The following HROB variants were observed in gnomAD, a reference collection of about 807,000 sequenced individuals.
HROB encodes homologous recombination OB-fold protein.
In HROB, 44 loss-of-function variants were observed where a neutral mutation model predicts 61.0. That is an observed-to-expected ratio of 0.72 (90% CI 0.57 to 0.93). HROB has a LOEUF of 0.93. HROB is among the 40% of genes least tolerant of loss of function. HROB has a pLI of 0.00. For synonymous variants in HROB, 301 were observed against 310.4 expected, an observed-to-expected ratio of 0.97 and a Z score of 0.32; for missense variants, 716 against 796.2, an observed-to-expected ratio of 0.90 and a Z score of 1.21.
Position 44,148,602 on chromosome 17 carries a change from G to C in HROB, c.799G>C (p.Glu267Gln), listed in dbSNP as rs564465225. 1.7e-5 allele frequency: 28 copies of C among 1,613,676 alleles called. No homozygotes were observed. The African/African-American group carries it at 3.7e-4, about 22-fold the overall frequency. ...LTVPTQQLHW[E>Q]VCPQRSPVQA... ...AGTTCCCACTCAGCAACTCCACTGG[G>C]AAGTCTGTCCGCAACGCTCCCCTGT... Residue 267 changes from glutamate (E) to glutamine (Q), a missense_variant, in exon 3 of 10, where the codon GAA becomes CAA. Physicochemically the swap from Glu to Gln is conservative, Grantham distance 29 (BLOSUM62 2). Coordinates refer to ENST00000585683, the MANE Select transcript of HROB (RefSeq NM_001171251.3).
intron 9 of HROB, among the ~76,000 whole-genome samples, chr17:44,160,964 A>G (rs1365088028): frequency 6.6e-6 from 1 of 152,162 alleles, no homozygotes; most frequent in Non-Finnish European, 1.5e-5. Flanking sequence ...GCACTTTGGG[A>G]GGCCAAGGCA....
chr17:44,145,941 G>T (rs1300286551), intron 2 of HROB, among the ~76,000 whole-genome samples: 1 of 152,180 alleles, frequency 6.6e-6, no homozygotes, highest in Non-Finnish European at 1.5e-5. Flanking sequence ...ATGTGCCATG[G>T]TGGTTTGCTG....
At chr17:44,153,244 G>A (rs1301019662) in intron 5 of HROB, among the ~76,000 whole-genome samples, 7 of 151,802 alleles carry the variant, frequency 4.6e-5, no homozygotes, top group Non-Finnish European at 8.8e-5. Context: ...TCAGGAGTTC[G>A]AGACCAGCCT....
chr17:44,157,900 T>A lies in HROB; in HGVS notation c.1838T>A (p.Leu613Gln), dbSNP rs760508063. ...GAAGGCTTCAGAACAGCACAGAACCTAGAGGCAGAGGCGTCCCCTGAGGAA... is the reference window on the plus strand; with the variant it reads ...GAAGGCTTCAGAACAGCACAGAACCAAGAGGCAGAGGCGTCCCCTGAGGAA... ...PEEGFRTAQN[L>Q]EAEASPEEEL... Residue 613 changes from leucine to glutamine, a missense_variant, in exon 9 of 10, where the codon CTA (leucine) becomes CAA (glutamine). Transcript: ENST00000585683. 6.2e-7 allele frequency: 1 copy of A among 1,613,650 alleles called. No individual in the cohort carries two copies. Among genetic ancestry groups the A allele is most frequent in the South Asian group, 1.1e-5 (1 of 91,002 alleles).
At position 44,144,432 on chromosome 17, in the gene HROB, C is replaced by T. The variant is rs143360208; in HGVS notation, c.4-771C>T. ...CTGAGATTATAGGTGTGAGCCACCA[C>T]GCCCGACCAAATTTTGTATTTTAAG... is the stretch of plus-strand genomic sequence containing the variant. On this transcript the variant is annotated intron_variant, in intron 1 of 9. Transcript: ENST00000585683. 7.3e-3 allele frequency among the ~76,000 whole-genome samples: 1,112 copies of T among 152,230 alleles called. 12 individuals carry two copies. Among genetic ancestry groups the T allele is most frequent in the African/African-American group, 0.025 (1,037 of 41,538 alleles).
rs372853397 is a variant in HROB at position 44,155,307 on chromosome 17, C to A, written c.1666C>A (p.Leu556Ile). 6.2e-7 allele frequency: 1 copy of A among 1,614,190 alleles called. No individual in the cohort carries two copies. The highest frequency in any genetic ancestry group is 1.7e-5 in the Admixed American group (1 of 60,016). The change falls in exon 8 of 10, where the codon CTT (leucine) becomes ATT (isoleucine). Residue 556 changes from leucine (L) to isoleucine (I), a missense_variant. Coordinates refer to ENST00000585683, the MANE Select transcript of HROB (RefSeq NM_001171251.3). ...CCAGATTGGAGTGTTTTCTCCTTCA[C>A]TTCGAAATCACTACCTCAACGTGAC... ...LKQIGVFSPS[L>I]RNHYLNVTPN... is the part of the protein sequence containing the mutation.
chr17:44,148,380 G>C lies in HROB; in HGVS notation c.577G>C (p.Gly193Arg), dbSNP rs1031806922. 8 of 1,614,092 alleles carry C rather than the reference G, an allele frequency of 5.0e-6. No homozygotes were observed. The highest frequency in any genetic ancestry group is 5.9e-6 in the Non-Finnish European group (7 of 1,179,994). Reference protein sequence around the residue: ...IPILPAQQREGSVLAKKARVV... With the variant: ...IPILPAQQRERSVLAKKARVV... ...AATCCTGCCTGCCCAGCAGCGGGAGGGTTCAGTATTGGCTAAAAAAGCCCG... is the reference window on the plus strand; with the variant it reads ...AATCCTGCCTGCCCAGCAGCGGGAGCGTTCAGTATTGGCTAAAAAAGCCCG... Residue 193 changes from glycine to arginine, a missense_variant, in exon 3 of 10, where the codon GGT becomes CGT. Gly to Arg is a moderately radical substitution (Grantham distance 125). Transcript: ENST00000585683.
chr17:44,148,421 T>C lies in HROB; in HGVS notation c.618T>C (p.Ser206=). 1.9e-6 allele frequency: 3 copies of C among 1,613,936 alleles called. No homozygotes were observed. The East Asian group carries it at 6.7e-5, about 36-fold the overall frequency. Residue 206 remains serine, a synonymous_variant, in exon 3 of 10, where the codon AGT becomes AGC. Transcript: ENST00000585683. Reference sequence around the variant, plus strand: ...AAAAAGCCCGGGTAGTTGATCTGAGTGGATCTTGCCAGAAGGGGCCTGTGC... The same window carrying C: ...AAAAAGCCCGGGTAGTTGATCTGAGCGGATCTTGCCAGAAGGGGCCTGTGC... ...LAKKARVVDL[S]GSCQKGPVPA... is the part of the protein sequence containing the mutation.
At chr17:44,152,835 C>T in intron 5 of HROB, 58 bp downstream of exon 5, 1 of 1,580,450 alleles carries the variant, frequency 6.3e-7, no homozygotes, top group Non-Finnish European at 8.6e-7. Context: ...CTCTCTCTGA[C>T]CTACTGCCCT....
Position 44,154,836 on chromosome 17 carries a change from C to T in HROB, c.1559-17C>T, listed in dbSNP as rs778737690. On this transcript the variant is annotated splice_polypyrimidine_tract_variant and intron_variant, in intron 6 of 9. Transcript: ENST00000585683. ...TGCCCTTGACCCCGAGACTGATGGG[C>T]CATGTGGTATTTGCAGGAGAGATGC... The T allele has an allele frequency of 3.1e-6, 5 of 1,613,600 alleles. No individual in the cohort carries two copies. In the Admixed American group the frequency reaches 5.0e-5, roughly 16 times the overall value.
At position 44,155,231 on chromosome 17, in the gene HROB, C is replaced by T. The variant is rs200031231; in HGVS notation, c.1645-55C>T. 4.4e-5 allele frequency: 70 copies of T among 1,604,318 alleles called. 1 individual carries two copies. The Middle Eastern group carries it at 2.7e-3, about 61-fold the overall frequency. On this transcript the variant is annotated intron_variant, in intron 7 of 9. Coordinates refer to ENST00000585683, the MANE Select transcript of HROB (RefSeq NM_001171251.3). Reference sequence around the variant, plus strand: ...AGGCAGGTGGGAGCCAGGTGTCCATCTGGCAGCTCCCAGTGCTCCATCAGG... The same window carrying T: ...AGGCAGGTGGGAGCCAGGTGTCCATTTGGCAGCTCCCAGTGCTCCATCAGG...
At chr17:44,143,620 G>A (rs148224663) in intron 1 of HROB, among the ~76,000 whole-genome samples, 194 of 151,982 alleles carry the variant, frequency 1.3e-3, no homozygotes, top group African/African-American at 4.5e-3. Flanking sequence ...CTTCAGCCTG[G>A]GCAACAGAGC....
intron 5 of HROB, among the ~76,000 whole-genome samples, chr17:44,153,362 A>C (rs984884281): frequency 3.3e-5 from 5 of 151,248 alleles, no homozygotes; most frequent in African/African-American, 9.7e-5. Flanking sequence ...GGCTGAGGCC[A>C]GAGGATCACT....
chr17:44,144,818 C>T (rs983832557), intron 1 of HROB, among the ~76,000 whole-genome samples: 15 of 149,960 alleles, frequency 1.0e-4, no homozygotes, highest in South Asian at 6.4e-4. Context: ...TGGGTTCAAG[C>T]GATTCTCCTG....
chr17:44,147,723 A>G lies in HROB; in HGVS notation c.55-135A>G, dbSNP rs1013155658. 5 of 879,348 alleles carry G rather than the reference A, an allele frequency of 5.7e-6. No individual in the cohort carries two copies. In the African/African-American group the frequency reaches 8.5e-5, roughly 15 times the overall value. 54.5% of individuals were successfully genotyped at this position (879,348 alleles called of 1,614,324 possible). On this transcript the variant is annotated intron_variant, in intron 2 of 9. Transcript: ENST00000585683. ...AGTGCTGGGATTACAGGCATGAGCC[A>G]CCATGCCCGACCCTCATGCTTTGGT...
At chr17:44,150,227 A>G (rs1333610554) in intron 3 of HROB, among the ~76,000 whole-genome samples, 1 of 152,090 alleles carries the variant, frequency 6.6e-6, no homozygotes, top group African/African-American at 2.4e-5. Flanking sequence ...AGGGTGTTTG[A>G]AACAATTTCT....
intron 3 of HROB, among the ~76,000 whole-genome samples, chr17:44,149,958 C>T (rs918759621): frequency 2.6e-5 from 4 of 152,086 alleles, no homozygotes; most frequent in African/African-American, 9.7e-5. Context: ...AGGTGTGTGG[C>T]GGAGCGGGCG....
chr17:44,154,980 G>T, intron 7 of HROB, 42 bp downstream of exon 7: 1 of 1,589,784 alleles, frequency 6.3e-7, no homozygotes, highest in African/African-American at 1.3e-5. Flanking sequence ...CCCGGATAGA[G>T]CCCTCAGTGT....
chr17:44,149,062 A>G (rs2053716198), intron 3 of HROB, 35 bp downstream of exon 3: 1 of 1,575,322 alleles, frequency 6.3e-7, no homozygotes, highest in Admixed American at 1.7e-5. Flanking sequence ...TTGGTGGGCA[A>G]GGGAGAGAAG....
Sources: allele counts gnomAD v4.1 joint callset (sites outside exome capture counted in the v4.1 genomes callset), GRCh38; gene constraint gnomAD v4.1.1; transcripts MANE v1.5; gene names NCBI Gene and HGNC (gene_info 2026-07-23, HGNC 2026-07-21).